Variants in BAHCC1 observed in about 807,000 individuals in gnomAD.
BAHCC1 encodes BAH domain and coiled-coil containing 1.
A neutral mutation model predicts 88.2 loss-of-function variants in BAHCC1; 43 were observed. The observed-to-expected ratio is 0.49, with a 90% CI of 0.38 to 0.63. The LOEUF (loss-of-function observed/expected upper bound fraction) is 0.63. BAHCC1 is among the 20% of genes least tolerant of loss of function. BAHCC1 has a pLI of 0.00. For synonymous variants in BAHCC1, 1,510 were observed against 745.5 expected (o/e 2.03, Z -16.71); for missense variants, 3,023 against 1,654.8 (o/e 1.83, Z -14.34).
chr17:81,461,378 C>T lies in BAHCC1; in HGVS notation c.6715C>T (p.Arg2239Trp), dbSNP rs1555659287. 1.4e-6 allele frequency: 1 copy of T among 720,376 alleles called. No homozygotes were observed. The highest frequency in any genetic ancestry group is 2.6e-6 in the Non-Finnish European group (1 of 391,590). 44.6% of individuals were successfully genotyped at this position (720,376 alleles called of 1,614,324 possible). ...CAAGGACTTCAGCCCCAAGCTCGGG[C>T]GGCCCCTGCCCAGCCCCAGCTATGT... ...GDKDFSPKLG[R>W]PLPSPSYVHP... is the part of the protein sequence containing the mutation. Residue 2239 changes from arginine to tryptophan, a missense_variant, in exon 26 of 28, where the codon CGG becomes TGG. Transcript: ENST00000675386.
chr17:81,416,541 TTGTG>T (rs1162643158), intron 2 of BAHCC1, among the ~76,000 whole-genome samples: 2 of 5,756 alleles, frequency 3.5e-4, no homozygotes, highest in East Asian at 6.2e-3. Flanking sequence ...GTGTGCGTGT[TTGTG>T]TGTACATGAG....
In BAHCC1 at chr17:81,464,075, C is replaced by T; in HGVS notation, c.*258C>T. 1 of 564,290 alleles carries T rather than the reference C, an allele frequency of 1.8e-6. No homozygotes were observed. Among genetic ancestry groups the T allele is most frequent in the South Asian group, 2.1e-5 (1 of 47,726 alleles). The allele number at this position is 564,290 out of a possible 1,614,324, so 35.0% of individuals were successfully genotyped here. On this transcript the variant is annotated 3_prime_UTR_variant, in exon 28 of 28. Transcript: ENST00000675386. ...CTCATGGGTCCCCGGCCCGCCCCAC[C>T]CACAGCGCCCTCCGTTTCCCGCACC... is the stretch of plus-strand genomic sequence containing the variant.
chr17:81,450,286 A>G (rs1598498056), intron 11 of BAHCC1, among the ~76,000 whole-genome samples: 1 of 151,874 alleles, frequency 6.6e-6, no homozygotes, highest in South Asian at 2.1e-4. Flanking sequence ...TTGTGGGATC[A>G]GCCCATGGGG....
intron 2 of BAHCC1, among the ~76,000 whole-genome samples, chr17:81,420,634 C>T (rs1190253496): frequency 6.6e-6 from 1 of 152,260 alleles, no homozygotes; most frequent in Non-Finnish European, 1.5e-5. Context: ...GCCTCTACAG[C>T]ATCTTGGGCA....
intron 3 of BAHCC1, among the ~76,000 whole-genome samples, chr17:81,430,014 C>A (rs987053933): frequency 6.6e-6 from 1 of 152,248 alleles, no homozygotes; most frequent in African/African-American, 2.4e-5. Context: ...TCAGCTCCTC[C>A]CGGCCCGCAG....
rs2064308985 is a variant in BAHCC1, at chr17:81,434,449, T to G, written c.359-3921T>G. Among the ~76,000 whole-genome samples the G allele has an allele frequency of 6.6e-6, 1 of 152,144 alleles. No homozygotes were observed. Among genetic ancestry groups the G allele is most frequent in the Non-Finnish European group, 1.5e-5 (1 of 68,012 alleles). ...TGGTGGGGTGTCCGCTGTAGAAGGT[T>G]TTGTCCTCAAAGGCGTGCGGGCTGG... On this transcript the variant is annotated intron_variant, in intron 3 of 27. Coordinates refer to ENST00000675386, the MANE Select transcript of BAHCC1 (RefSeq NM_001377448.1). The surrounding 1 kb of genome is among the most constrained non-coding windows in gnomAD (Gnocchi z 4.9).
rs370135483 is a variant in BAHCC1 at position 81,463,687 on chromosome 17, G to A, written c.7697G>A (p.Arg2566His). 2.3e-5 allele frequency: 18 copies of A among 779,538 alleles called. No individual in the cohort carries two copies. The highest frequency in any genetic ancestry group is 6.8e-5 in the Admixed American group (4 of 59,018). 48.3% of individuals were successfully genotyped at this position (779,538 alleles called of 1,614,324 possible). Residue 2566 changes from arginine (R) to histidine (H), a missense_variant, in exon 28 of 28, where the codon CGC becomes CAC. Transcript: ENST00000675386. ...TCCCACAAGTGCCAGGTCGTGGCGC[G>A]CGAGCAGTATGAGCAGATGGCCCGG... ...TISHKCQVVA[R>H]EQYEQMARSR...
chr17:81,462,118 G>C (rs1200735978), intron 26 of BAHCC1, 72 bp downstream of exon 26: 2 of 653,486 alleles, frequency 3.1e-6, no homozygotes, highest in African/African-American at 3.6e-5. Context: ...CGCCCCTGCT[G>C]CCCTTCCCTC....
At chr17:81,436,710 G>A (rs1362305693) in intron 3 of BAHCC1, among the ~76,000 whole-genome samples, 3 of 152,096 alleles carry the variant, frequency 2.0e-5, no homozygotes, top group East Asian at 1.9e-4. Flanking sequence ...CAGGCCAGTC[G>A]GCCAGGCTCG....
At chr17:81,448,741 C>T (rs1413534412) in intron 11 of BAHCC1, among the ~76,000 whole-genome samples, 6 of 152,174 alleles carry the variant, frequency 3.9e-5, no homozygotes, top group South Asian at 2.1e-4. Flanking sequence ...GGCCCGCACG[C>T]GGCAGGGGTG....
intron 11 of BAHCC1, among the ~76,000 whole-genome samples, chr17:81,449,869 G>A (rs2064602073): frequency 6.6e-6 from 1 of 152,100 alleles, no homozygotes; most frequent in African/African-American, 2.4e-5. Context: ...CTGGGCTTGT[G>A]GCCCCCTGGC....
At chr17:81,459,923 C>T (rs1306874969) in intron 23 of BAHCC1, among the ~76,000 whole-genome samples, 1 of 152,156 alleles carries the variant, frequency 6.6e-6, no homozygotes, top group Non-Finnish European at 1.5e-5. Context: ...CAGGCAGGGG[C>T]ATGTAGGTCC....
At chr17:81,453,730 GGCA>G (rs144198774) in intron 14 of BAHCC1, among the ~76,000 whole-genome samples, 10,068 of 152,272 alleles carry the variant, frequency 0.066, 392 homozygotes, top group Middle Eastern at 0.13. Context: ...CTGGCTAGAA[GGCA>G]GCAGCCTCAG....
chr17:81,399,831 C>A lies in BAHCC1; in HGVS notation c.92C>A (p.Ala31Asp). The A allele has an allele frequency of 1.5e-6, 2 of 1,346,930 alleles. No homozygotes were observed. Among genetic ancestry groups the A allele is most frequent in the Non-Finnish European group, 1.9e-6 (2 of 1,049,902 alleles). 83.4% of individuals were successfully genotyped at this position (1,346,930 alleles called of 1,614,324 possible). A position where few individuals can be genotyped will look rare whatever the true frequency, so the allele number is the denominator to read the frequency against. Residue 31 changes from alanine to aspartate, a missense_variant, in exon 2 of 28, where the codon GCC (alanine) becomes GAC (aspartate). Physicochemically the swap from Ala to Asp is moderately radical, Grantham distance 126 (BLOSUM62 -2). Coordinates refer to ENST00000675386, the MANE Select transcript of BAHCC1 (RefSeq NM_001377448.1). This position sits in a 1 kb window ranked among gnomAD's most constrained non-coding sequence, Gnocchi z 4.5. Reference protein sequence around the residue: ...HRSAAAAARLAPAGPAAQPPA... With the variant: ...HRSAAAAARLDPAGPAAQPPA... Reference sequence around the variant, plus strand: ...AGCGCCGCTGCCGCCGCGCGTCTCGCCCCGGCTGGGCCCGCCGCGCAGCCC... The same window carrying A: ...AGCGCCGCTGCCGCCGCGCGTCTCGACCCGGCTGGGCCCGCCGCGCAGCCC...
intron 14 of BAHCC1, among the ~76,000 whole-genome samples, 153 bp from the exon 15 acceptor site, chr17:81,455,114 C>T (rs1315151256): frequency 6.6e-6 from 1 of 152,184 alleles, no homozygotes; most frequent in African/African-American, 2.4e-5. Context: ...GGCTCGGCCC[C>T]CGGGGCCCCT....
intron 2 of BAHCC1, chr17:81,415,429 C>T (rs1039736309): frequency 7.4e-6 from 3 of 407,614 alleles, no homozygotes; most frequent in Non-Finnish European, 1.5e-5. Context: ...GGGCATACGT[C>T]CCCCTGGAAG....
chr17:81,398,095 G>C (rs756238736), intron 1 of BAHCC1, among the ~76,000 whole-genome samples: 31 of 152,286 alleles, frequency 2.0e-4, no homozygotes, highest in Non-Finnish European at 3.7e-4. Flanking sequence ...AAAAACACAA[G>C]GTTTTCCGCA....
intron 3 of BAHCC1, among the ~76,000 whole-genome samples, chr17:81,431,153 G>A (rs934956763): frequency 4.6e-5 from 7 of 152,186 alleles, no homozygotes; most frequent in East Asian, 1.9e-4. Context: ...GCCAGAGGGC[G>A]GCTGCCCCAT....
intron 2 of BAHCC1, among the ~76,000 whole-genome samples, chr17:81,422,116 A>G (rs2064123436): frequency 6.6e-6 from 1 of 151,970 alleles, no homozygotes; most frequent in Admixed American, 6.6e-5. Flanking sequence ...GATTCAAGCA[A>G]TTCTCCCGCC....
Sources: allele counts gnomAD v4.1 joint callset (sites outside exome capture counted in the v4.1 genomes callset), GRCh38; gene constraint gnomAD v4.1.1; non-coding constraint Gnocchi (gnomAD v3.1); transcripts MANE v1.5; gene names NCBI Gene and HGNC (gene_info 2026-07-23, HGNC 2026-07-21).